EVA1A: variants seen among roughly 807,000 people sequenced by gnomAD.
EVA1A encodes the protein protein eva-1 homolog A.
In EVA1A, 7 loss-of-function variants were observed where a neutral mutation model predicts 9.8. The observed-to-expected ratio is 0.71, with a 90% CI of 0.41 to 1.34. The LOEUF (loss-of-function observed/expected upper bound fraction) is 1.34. Ranked by LOEUF, EVA1A falls within the 40% of genes most tolerant of loss-of-function variation. EVA1A has a pLI of 0.01. For synonymous variants in EVA1A, 90 were observed against 85.6 expected, an observed-to-expected ratio of 1.05 and a Z score of -0.28; for missense variants, 206 against 205.9, an observed-to-expected ratio of 1.00 and a Z score of 0.00.
chr2:75,520,001 C>G (rs761561704), intron 2 of EVA1A, among the ~76,000 whole-genome samples: 2 of 152,206 alleles, frequency 1.3e-5, no homozygotes, highest in Non-Finnish European at 2.9e-5. Context: ...CAACCCAACT[C>G]TAATGAATTT....
chr2:75,538,940 A>G (rs749680927), intron 1 of EVA1A, among the ~76,000 whole-genome samples: 1 of 152,244 alleles, frequency 6.6e-6, no homozygotes, highest in Admixed American at 6.5e-5. Context: ...ATCAATGTCA[A>G]CATCCCGGTT....
chr2:75,503,252 T>C (rs1441333181), intron 3 of EVA1A, among the ~76,000 whole-genome samples: 1 of 152,200 alleles, frequency 6.6e-6, no homozygotes, highest in Admixed American at 6.5e-5. Flanking sequence ...TGATTGTTTT[T>C]TCTCTCCTAT....
intron 1 of EVA1A, among the ~76,000 whole-genome samples, chr2:75,545,212 GA>G (rs1254306558): frequency 2.6e-5 from 4 of 152,162 alleles, no homozygotes; most frequent in African/African-American, 4.8e-5. Context: ...AAAGATGTAA[GA>G]AACAGATCTT....
At chr2:75,499,654 T>G (rs1674339524) in intron 3 of EVA1A, among the ~76,000 whole-genome samples, 1 of 152,138 alleles carries the variant, frequency 6.6e-6, no homozygotes, top group Non-Finnish European at 1.5e-5. Flanking sequence ...TGACTCTGCT[T>G]CAGAAATCTG....
At chr2:75,494,266 A>C (rs1674128673) in intron 3 of EVA1A, among the ~76,000 whole-genome samples, 1 of 152,176 alleles carries the variant, frequency 6.6e-6, no homozygotes, top group Non-Finnish European at 1.5e-5. Context: ...TCAGCTTTTC[A>C]AATATGTGGC....
chr2:75,540,983 CGAGT>C (rs1487837899), intron 1 of EVA1A: 1 of 152,172 alleles, frequency 6.6e-6, no homozygotes, highest in Non-Finnish European at 1.5e-5. Context: ...TCAAAGGTCC[CGAGT>C]GAGTACAAGA....
At chr2:75,523,251 T>C (rs1050550187) in intron 1 of EVA1A, among the ~76,000 whole-genome samples, 1 of 152,156 alleles carries the variant, frequency 6.6e-6, no homozygotes, top group Non-Finnish European at 1.5e-5. Flanking sequence ...CTACGTTAAT[T>C]TTACAGGTCA....
At chr2:75,568,824 T>G (rs1354601219) in intron 1 of EVA1A, among the ~76,000 whole-genome samples, 2 of 152,262 alleles carry the variant, frequency 1.3e-5, no homozygotes, top group Admixed American at 1.3e-4. Context: ...TATTCCATGA[T>G]GTACATACAC....
At chr2:75,503,483 T>C (rs1280210404) in intron 3 of EVA1A, among the ~76,000 whole-genome samples, 2 of 152,198 alleles carry the variant, frequency 1.3e-5, no homozygotes, top group African/African-American at 4.8e-5. Flanking sequence ...CTGAAGCTAA[T>C]TTCATTTGCA....
At chr2:75,504,794 C>T (rs1177212383) in intron 3 of EVA1A, among the ~76,000 whole-genome samples, 3 of 22,306 alleles carry the variant, frequency 1.3e-4, no homozygotes, top group Admixed American at 6.1e-4. Context: ...CAGGGCTTGT[C>T]GGGGGGTGGG....
chr2:75,514,391 T>C (rs192617626), intron 3 of EVA1A, among the ~76,000 whole-genome samples: 1 of 152,228 alleles, frequency 6.6e-6, no homozygotes, highest in African/African-American at 2.4e-5. Flanking sequence ...CACAACCAAA[T>C]AGTTATTTTC....
intron 1 of EVA1A, among the ~76,000 whole-genome samples, chr2:75,526,844 T>C (rs1406479997): frequency 2.0e-5 from 3 of 152,206 alleles, no homozygotes; most frequent in African/African-American, 7.2e-5. Context: ...GAGAGTGACA[T>C]GGTCAGTTCT....
rs181530843 is a variant in EVA1A at position 75,501,323 on chromosome 2, A to G, written c.86-7714T>C. ...AAGTGACATGCCTTGAACTTCGCAA[A>G]TGTTTAATTCCTTCTTTTGTTAGTA... On this transcript the variant is annotated intron_variant, in intron 3 of 3. Coordinates refer to ENST00000393913, the MANE Select transcript of EVA1A (RefSeq NM_001135032.2). Among the ~76,000 whole-genome samples, 194 of 152,324 alleles carry G rather than the reference A, an allele frequency of 1.3e-3. 1 individual carries two copies. The highest frequency in any genetic ancestry group is 2.1e-3 in the Non-Finnish European group (146 of 68,030).
intron 1 of EVA1A, among the ~76,000 whole-genome samples, chr2:75,568,378 T>A (rs1306495459): frequency 6.7e-6 from 1 of 150,190 alleles, no homozygotes; most frequent in Non-Finnish European, 1.5e-5. Context: ...TATTAAGTAA[T>A]AATTATTAGA....
chr2:75,534,181 G>A (rs1572975187), intron 1 of EVA1A, among the ~76,000 whole-genome samples: 1 of 152,238 alleles, frequency 6.6e-6, no homozygotes, highest in East Asian at 1.9e-4. Flanking sequence ...CAAGCCTGCA[G>A]TGAGCTATGA....
At chr2:75,568,902 C>T (rs1677075774) in intron 1 of EVA1A, among the ~76,000 whole-genome samples, 1 of 152,162 alleles carries the variant, frequency 6.6e-6, no homozygotes, top group Non-Finnish European at 1.5e-5. Context: ...ACTATGCTTT[C>T]ACATCTTTGC....
chr2:75,504,709 A>C (rs1000388335), intron 3 of EVA1A, among the ~76,000 whole-genome samples: 7 of 151,984 alleles, frequency 4.6e-5, no homozygotes, highest in Non-Finnish European at 7.4e-5. Context: ...CAGGAACAGA[A>C]AACCAAACAC....
At chr2:75,499,967 T>C (rs1174594409) in intron 3 of EVA1A, among the ~76,000 whole-genome samples, 2 of 152,232 alleles carry the variant, frequency 1.3e-5, no homozygotes, top group African/African-American at 2.4e-5. Flanking sequence ...TTCTTTGTTC[T>C]TTCCTATATT....
rs920613914 is a variant in EVA1A at position 75,548,983 on chromosome 2, A to T, written c.-192+11697T>A. On this transcript the variant is annotated intron_variant, in intron 1 of 3. Coordinates refer to ENST00000393913, the MANE Select transcript of EVA1A (RefSeq NM_001135032.2). ...TGAACTGATGACTGGCTAAATGAAA[A>T]ATATATATATATATATATATATATA... Among the ~76,000 whole-genome samples the T allele has an allele frequency of 4.3e-4, 57 of 133,686 alleles. 1 individual carries two copies. Among genetic ancestry groups the T allele is most frequent in the Admixed American group, 2.9e-3 (39 of 13,382 alleles). The allele number at this position is 133,686 out of a possible 152,430, so 87.7% of individuals were successfully genotyped here.
Sources: gnomAD v4.1 joint callset for allele counts (sites outside exome capture counted in the v4.1 genomes callset) on GRCh38, gnomAD v4.1.1 for gene constraint, MANE v1.5 for transcripts, NCBI Gene and HGNC (gene_info 2026-07-23, HGNC 2026-07-21) for gene names.